EFCAB6: variants seen among roughly 807,000 people sequenced by gnomAD.
EFCAB6 encodes the protein EF-hand calcium binding domain 6.
A neutral mutation model predicts 169.8 loss-of-function variants in EFCAB6; 156 were observed. That is an observed-to-expected ratio of 0.92 (90% CI 0.81 to 1.05). The LOEUF is 1.05. Ranked by LOEUF, EFCAB6 falls within the 50% of genes least tolerant of loss-of-function variation. EFCAB6 has a pLI of 0.00. For synonymous variants in EFCAB6, 698 were observed against 676.4 expected, an observed-to-expected ratio of 1.03 and a Z score of -0.50; for missense variants, 1,800 against 1,829.1, an observed-to-expected ratio of 0.98 and a Z score of 0.29.
intron 15 of EFCAB6, among the ~76,000 whole-genome samples, chr22:43,670,040 C>G (rs779122704): frequency 3.3e-5 from 5 of 152,152 alleles, no homozygotes; most frequent in African/African-American, 4.8e-5. Flanking sequence ...AAATGAGGGA[C>G]TAGGGGTAGG....
At chr22:43,754,297 A>G (rs2060877664) in intron 6 of EFCAB6, among the ~76,000 whole-genome samples, 1 of 152,198 alleles carries the variant, frequency 6.6e-6, no homozygotes, top group African/African-American at 2.4e-5. Flanking sequence ...AAACCTAATG[A>G]TGAGGGCTTG....
intron 17 of EFCAB6, among the ~76,000 whole-genome samples, chr22:43,653,232 C>T (rs889842011): frequency 8.6e-5 from 13 of 152,034 alleles, no homozygotes; most frequent in African/African-American, 3.1e-4. Flanking sequence ...CTGCAGACTC[C>T]AGCAGGATTC....
At position 43,538,426 on chromosome 22, in the gene EFCAB6, G is replaced by T. The variant is rs187185505; in HGVS notation, c.3880-881C>A. ...TTGTTTTGAAATGGAGTCTTGCTCTGTCGCCAGGCTGGAGTGCAGTGGTGC... is the reference window on the plus strand; with the variant it reads ...TTGTTTTGAAATGGAGTCTTGCTCTTTCGCCAGGCTGGAGTGCAGTGGTGC... On this transcript the variant is annotated intron_variant, in intron 28 of 31. Transcript: ENST00000262726. Among the ~76,000 whole-genome samples the T allele has an allele frequency of 3.3e-5, 5 of 152,210 alleles. No homozygotes were observed. In the East Asian group the frequency reaches 7.7e-4, roughly 23 times the overall value.
chr22:43,710,163 T>C (rs1603260786), intron 10 of EFCAB6, among the ~76,000 whole-genome samples: 1 of 152,198 alleles, frequency 6.6e-6, no homozygotes, highest in East Asian at 1.9e-4. Flanking sequence ...TAGATTGTGG[T>C]CTACATATAC....
At chr22:43,631,015 G>A (rs769295294) in intron 19 of EFCAB6, among the ~76,000 whole-genome samples, 3 of 151,986 alleles carry the variant, frequency 2.0e-5, no homozygotes, top group Non-Finnish European at 2.9e-5. Flanking sequence ...ATGTGGAAAC[G>A]GGAGCCTGGT....
chr22:43,633,081 A>T (rs945498207), intron 18 of EFCAB6, among the ~76,000 whole-genome samples: 1 of 152,174 alleles, frequency 6.6e-6, no homozygotes, highest in Admixed American at 6.5e-5. Flanking sequence ...CTATCATCCC[A>T]TGCACTTTAC....
chr22:43,698,353 C>T (rs995503414), intron 10 of EFCAB6, among the ~76,000 whole-genome samples: 2 of 152,148 alleles, frequency 1.3e-5, no homozygotes, highest in Non-Finnish European at 2.9e-5. Context: ...GATTTGTGTA[C>T]ATACACATCC....
chr22:43,558,687 T>C (rs1375607189), intron 26 of EFCAB6, among the ~76,000 whole-genome samples: 1 of 152,180 alleles, frequency 6.6e-6, no homozygotes, highest in Non-Finnish European at 1.5e-5. Flanking sequence ...AGCAAAAAGA[T>C]TACAAGAAGA....
At chr22:43,811,987 A>C (rs2063147296) in intron 1 of EFCAB6, among the ~76,000 whole-genome samples, 181 bp downstream of exon 1, 1 of 152,168 alleles carries the variant, frequency 6.6e-6, no homozygotes, top group Admixed American at 6.5e-5. Flanking sequence ...AGGGCCTACA[A>C]CATGCCTGGC....
At chr22:43,754,000 T>C (rs1320003729) in intron 6 of EFCAB6, among the ~76,000 whole-genome samples, 1 of 152,186 alleles carries the variant, frequency 6.6e-6, no homozygotes, top group Admixed American at 6.5e-5. Context: ...TCTCCAACAT[T>C]AGTGTGTGAC....
At chr22:43,732,821 A>T (rs891954455) in intron 7 of EFCAB6, among the ~76,000 whole-genome samples, 26 of 152,062 alleles carry the variant, frequency 1.7e-4, no homozygotes, top group Non-Finnish European at 2.8e-4. Context: ...TTTTAAAATA[A>T]ATTTTCTATT....
intron 6 of EFCAB6, among the ~76,000 whole-genome samples, chr22:43,755,348 A>G (rs1311604370): frequency 6.6e-6 from 1 of 152,222 alleles, no homozygotes; most frequent in East Asian, 1.9e-4. Context: ...ATTACTCAAT[A>G]CTTAAGTATA....
intron 8 of EFCAB6, among the ~76,000 whole-genome samples, chr22:43,722,784 C>A (rs2059585343): frequency 6.7e-6 from 1 of 148,410 alleles, no homozygotes; most frequent in South Asian, 2.1e-4. Flanking sequence ...TTCACCATAG[C>A]AAAGACATGG....
chr22:43,608,644 G>C (rs371256781), intron 21 of EFCAB6, 44 bp from the exon 22 acceptor site: 3 of 1,570,098 alleles, frequency 1.9e-6, no homozygotes, highest in Non-Finnish European at 2.6e-6. Flanking sequence ...TGAAATGTGC[G>C]TATGACAGCA....
At chr22:43,540,694 G>A (rs2047664336) in intron 27 of EFCAB6, among the ~76,000 whole-genome samples, 1 of 152,076 alleles carries the variant, frequency 6.6e-6, no homozygotes, top group South Asian at 2.1e-4. Flanking sequence ...GGGAGAAAAT[G>A]CAAATCAGAG....
intron 10 of EFCAB6, among the ~76,000 whole-genome samples, chr22:43,704,599 T>G (rs1228522596): frequency 6.6e-6 from 1 of 152,184 alleles, no homozygotes; most frequent in South Asian, 2.1e-4. Context: ...TATAAGATTA[T>G]GTAAATTTTG....
At chr22:43,594,407 C>T (rs1396430325) in intron 23 of EFCAB6, among the ~76,000 whole-genome samples, 1 of 151,902 alleles carries the variant, frequency 6.6e-6, no homozygotes, top group African/African-American at 2.4e-5. Flanking sequence ...CTCACTTCAC[C>T]TATAAAGACA....
chr22:43,666,010 A>G (rs1336691137), intron 17 of EFCAB6, among the ~76,000 whole-genome samples: 1 of 151,648 alleles, frequency 6.6e-6, no homozygotes, highest in African/African-American at 2.4e-5. Flanking sequence ...CTGGTCTTGA[A>G]CTCCTGACCT....
intron 6 of EFCAB6, among the ~76,000 whole-genome samples, chr22:43,749,147 G>A (rs1380737021): frequency 1.3e-5 from 2 of 152,118 alleles, no homozygotes; most frequent in Non-Finnish European, 1.5e-5. Context: ...CATATGGGAG[G>A]GGCACTGGTA....
Sources: gnomAD v4.1 joint callset for allele counts (sites outside exome capture counted in the v4.1 genomes callset) on GRCh38, gnomAD v4.1.1 for gene constraint, MANE v1.5 for transcripts, NCBI Gene and HGNC (gene_info 2026-07-23, HGNC 2026-07-21) for gene names.